NPFFR1: variants seen among roughly 807,000 people sequenced by gnomAD.
NPFFR1 encodes the protein G-protein coupled receptor 147.
NPFFR1 carries 17 observed loss-of-function variants against 12.7 expected under a neutral mutation model. The observed-to-expected ratio is 1.34, with a 90% CI of 0.92 to 2.01. NPFFR1 has a LOEUF of 2.01. Among genes scored for constraint, NPFFR1 ranks in the 30% most tolerant of loss-of-function variants. The pLI is 0.00. For missense variants in NPFFR1, 604 were observed against 606.5 expected, an observed-to-expected ratio of 1.00 and a Z score of 0.04; for synonymous variants, 296 against 264.5, an observed-to-expected ratio of 1.12 and a Z score of -1.16.
chr10:70,283,638 C>A (rs2136815365), intron 1 of NPFFR1, 32 bp downstream of exon 1: 1 of 1,532,354 alleles, frequency 6.5e-7, no homozygotes, highest in East Asian at 2.4e-5. Context: ...TACCCTGCCC[C>A]ACGGCTGGCC....
intron 1 of NPFFR1, among the ~76,000 whole-genome samples, chr10:70,280,796 G>T (rs913766668): frequency 1.3e-5 from 2 of 152,200 alleles, no homozygotes; most frequent in African/African-American, 4.8e-5. Flanking sequence ...GAGGTCAGGA[G>T]TTCAAGACCA....
chr10:70,275,597 C>A (rs1010469130), intron 1 of NPFFR1, among the ~76,000 whole-genome samples: 4 of 150,778 alleles, frequency 2.7e-5, no homozygotes, highest in Admixed American at 2.0e-4. Flanking sequence ...TTTTTTTTTT[C>A]TTTTAGTTAA....
At chr10:70,262,865 T>A (rs184999935) in intron 2 of NPFFR1, among the ~76,000 whole-genome samples, 2 of 152,300 alleles carry the variant, frequency 1.3e-5, no homozygotes, top group Middle Eastern at 6.8e-3. Flanking sequence ...AGAACCCAGA[T>A]CTTGGCTTCT....
At position 70,283,731 on chromosome 10, in the gene NPFFR1, C is replaced by T; in HGVS notation, c.-55G>A. 1 of 1,530,916 alleles carries T rather than the reference C, an allele frequency of 6.5e-7. No homozygotes were observed. Among genetic ancestry groups the T allele is most frequent in the Non-Finnish European group, 8.7e-7 (1 of 1,143,624 alleles). The allele number at this position is 1,530,916 out of a possible 1,614,324, so 94.8% of individuals were successfully genotyped here. A position where few individuals can be genotyped will look rare whatever the true frequency, so the allele number is the denominator to read the frequency against. On this transcript the variant is annotated 5_prime_UTR_variant, in exon 1 of 4. Transcript: ENST00000277942. ...TCCGATGGCGGGAGGCAGCGGGCCC[C>T]TTCGGGCCAGCGGGCAGAGGGACGG...
chr10:70,265,468 G>A (rs1176669374), intron 2 of NPFFR1, among the ~76,000 whole-genome samples: 1 of 152,224 alleles, frequency 6.6e-6, no homozygotes, highest in Admixed American at 6.5e-5. Context: ...GGTCCACTGA[G>A]TGGCCGGCCA....
chr10:70,269,306 G>T (rs533066857), intron 1 of NPFFR1, among the ~76,000 whole-genome samples: 2 of 152,026 alleles, frequency 1.3e-5, no homozygotes, highest in South Asian at 4.2e-4. Flanking sequence ...ACAGCCGTGC[G>T]CCACCAAGCT....
chr10:70,255,722 C>A lies in NPFFR1; in HGVS notation c.528G>T (p.Ser176=). 6.2e-7 allele frequency: 1 copy of A among 1,609,888 alleles called. No homozygotes were observed. The highest frequency in any genetic ancestry group is 8.5e-7 in the Non-Finnish European group (1 of 1,178,402). Reference sequence around the variant, plus strand: ...CACGGGTGACGGTCAGCGTGACGGCCGAGGGACACATGATGAGCAGCGCCA... The same window carrying A: ...CACGGGTGACGGTCAGCGTGACGGCAGAGGGACACATGATGAGCAGCGCCA... The part of the protein sequence containing the change: ...WALALLIMCP[S]AVTLTVTREE... The change falls in exon 4 of 4, where the codon TCG becomes TCT. Residue 176 remains serine, a synonymous_variant. Coordinates refer to ENST00000277942, the MANE Select transcript of NPFFR1 (RefSeq NM_022146.5). The surrounding 1 kb of genome is among the most constrained non-coding windows in gnomAD (Gnocchi z 4.2).
At chr10:70,270,552 G>C (rs926441427) in intron 1 of NPFFR1, among the ~76,000 whole-genome samples, 8 of 152,218 alleles carry the variant, frequency 5.3e-5, no homozygotes, top group Admixed American at 1.3e-4. Context: ...AAGTATCTGG[G>C]AGTGACCCTG....
chr10:70,271,132 C>T (rs1250777823), intron 1 of NPFFR1, among the ~76,000 whole-genome samples: 1 of 152,198 alleles, frequency 6.6e-6, no homozygotes, highest in African/African-American at 2.4e-5. Context: ...ACTAAAGACA[C>T]CTCGAGTGGA....
In NPFFR1 at chr10:70,251,522, G is replaced by A. The variant is rs553191871; in HGVS notation, c.*3435C>T. On this transcript the variant is annotated 3_prime_UTR_variant, in exon 4 of 4. Coordinates refer to ENST00000277942, the MANE Select transcript of NPFFR1 (RefSeq NM_022146.5). Reference sequence around the variant, plus strand: ...CCATTCATCAGTGGAGAGCCACAATGAGGGTGACCACTCATGCCGCACATG... The same window carrying A: ...CCATTCATCAGTGGAGAGCCACAATAAGGGTGACCACTCATGCCGCACATG... The A allele has an allele frequency of 6.6e-6, 1 of 152,506 alleles. No homozygotes were observed. Among genetic ancestry groups the A allele is most frequent in the South Asian group, 2.1e-4 (1 of 4,836 alleles). The allele number at this position is 152,506 out of a possible 1,614,324, so 9.4% of individuals were successfully genotyped here.
chr10:70,255,623 C>A lies in NPFFR1; in HGVS notation c.627G>T (p.Glu209Asp). Residue 209 changes from glutamate to aspartate, a missense_variant, in exon 4 of 4, where the codon GAG becomes GAT. Coordinates refer to ENST00000277942, the MANE Select transcript of NPFFR1 (RefSeq NM_022146.5). This position sits in a 1 kb window ranked among gnomAD's most constrained non-coding sequence, Gnocchi z 4.2. ...TGGTGTAGACCCTGCGCATGCCCTT[C>A]TCGGGCCAGGCCTCCCAGCAGGAGT... ...PLYSCWEAWP[E>D]KGMRRVYTTV... is the part of the protein sequence containing the mutation. 1 of 1,575,864 alleles carries A rather than the reference C, an allele frequency of 6.3e-7. No homozygotes were observed. The highest frequency in any genetic ancestry group is 1.2e-5 in the South Asian group (1 of 85,832).
Position 70,254,392 on chromosome 10 carries a change from A to G in NPFFR1, c.*565T>C, listed in dbSNP as rs1840540699. On this transcript the variant is annotated 3_prime_UTR_variant, in exon 4 of 4. Transcript: ENST00000277942. The stretch of plus-strand genomic sequence containing the variant: ...GGGGGCACACCGTGTTCTTCTAGAA[A>G]AGGATCAAGGGGAGTGGCTTCAGTA... 6.6e-6 allele frequency: 1 copy of G among 152,352 alleles called. No homozygotes were observed. The highest frequency in any genetic ancestry group is 2.4e-5 in the African/African-American group (1 of 41,464). The allele number at this position is 152,352 out of a possible 1,614,324, so 9.4% of individuals were successfully genotyped here.
At chr10:70,264,896 G>A (rs149765144) in intron 2 of NPFFR1, among the ~76,000 whole-genome samples, 101 of 152,296 alleles carry the variant, frequency 6.6e-4, no homozygotes, top group African/African-American at 2.2e-3. Context: ...ATGGGGAGAC[G>A]CCACCTTAAC....
In NPFFR1 at chr10:70,248,119, A is replaced by G. The variant is rs1840467792; in HGVS notation, c.*6838T>C. 6.6e-6 allele frequency: 1 copy of G among 152,180 alleles called. No individual in the cohort carries two copies. The highest frequency in any genetic ancestry group is 1.5e-5 in the Non-Finnish European group (1 of 68,032). 9.4% of individuals were successfully genotyped at this position (152,180 alleles called of 1,614,324 possible). On this transcript the variant is annotated 3_prime_UTR_variant, in exon 4 of 4. Transcript: ENST00000277942. ...TCAGTTTCCCAGATGTAGGAAGGAG[A>G]GACCACAGCAGCTTGGGGAATGGCA...
intron 1 of NPFFR1, among the ~76,000 whole-genome samples, chr10:70,274,558 T>C (rs1840781942): frequency 6.6e-6 from 1 of 151,696 alleles, no homozygotes; most frequent in African/African-American, 2.4e-5. Flanking sequence ...TAAAGGGAGG[T>C]ATAGTTAGTT....
chr10:70,278,327 C>T (rs1244539143), intron 1 of NPFFR1, among the ~76,000 whole-genome samples: 1 of 141,484 alleles, frequency 7.1e-6, no homozygotes, highest in Non-Finnish European at 1.6e-5. Context: ...CGTAACTTTC[C>T]TGAAGAATAA....
At chr10:70,279,134 CTTTTT>C (rs1703491550) in intron 1 of NPFFR1, among the ~76,000 whole-genome samples, 1 of 152,044 alleles carries the variant, frequency 6.6e-6, no homozygotes, top group South Asian at 2.1e-4. Flanking sequence ...TTTGTTTTTG[CTTTTT>C]TTAAGTAAGA....
At chr10:70,271,844 C>T (rs368061659) in intron 1 of NPFFR1, among the ~76,000 whole-genome samples, 8 of 151,980 alleles carry the variant, frequency 5.3e-5, no homozygotes, top group Admixed American at 1.3e-4. Context: ...TGGCAGGGCG[C>T]GGTGGCTCAC....
rs1840554088 is a variant in NPFFR1 at position 70,255,394 on chromosome 10, G to C, written c.856C>G (p.Leu286Val). ...ALFFTLSWLP[L>V]WALLLLIDYG... ...TCGATGAGCAGCAGCAGCGCCCAGA[G>C]CGGCAGCCAGGACAGCGTGAAGAAC... Residue 286 changes from leucine (L) to valine (V), a missense_variant, in exon 4 of 4, where the codon CTC becomes GTC. Leu to Val is a conservative substitution (Grantham distance 32). Transcript: ENST00000277942. This position sits in a 1 kb window ranked among gnomAD's most constrained non-coding sequence, Gnocchi z 4.2. The C allele has an allele frequency of 6.5e-7, 1 of 1,547,226 alleles. No individual in the cohort carries two copies. The highest frequency in any genetic ancestry group is 2.4e-5 in the East Asian group (1 of 41,088).
Sources: allele counts gnomAD v4.1 joint callset (sites outside exome capture counted in the v4.1 genomes callset), GRCh38; gene constraint gnomAD v4.1.1; non-coding constraint Gnocchi (gnomAD v3.1); transcripts MANE v1.5; gene names NCBI Gene and HGNC (gene_info 2026-07-23, HGNC 2026-07-21).